IL12RB2: variants seen among roughly 807,000 people sequenced by gnomAD.
IL12RB2 encodes the protein interleukin 12 receptor subunit beta 2, also known as interleukin-12 receptor subunit beta-2.
IL12RB2 carries 82 observed loss-of-function variants against 89.4 expected under a neutral mutation model. The ratio of observed to expected loss-of-function variants is 0.92; its 90% CI spans 0.77 to 1.10. The LOEUF (loss-of-function observed/expected upper bound fraction) is 1.10, where lower values mean the gene tolerates loss of function less well. Among genes scored for constraint, IL12RB2 ranks in the 50% least tolerant of loss-of-function variants. The pLI is 0.00. For missense variants in IL12RB2, 963 were observed against 1,031.9 expected (o/e 0.93, Z 0.92); for synonymous variants, 368 against 370.1 (o/e 0.99, Z 0.07).
intron 9 of IL12RB2, among the ~76,000 whole-genome samples, chr1:67,339,616 C>G (rs998218846): frequency 6.6e-6 from 1 of 151,980 alleles, no homozygotes; most frequent in Admixed American, 6.6e-5. Context: ...TCATAGAATG[C>G]GAAAGTTTCA....
chr1:67,329,754 A>T (rs1171662496), intron 7 of IL12RB2, 25 bp downstream of exon 7: 2 of 1,530,470 alleles, frequency 1.3e-6, no homozygotes, highest in Admixed American at 3.3e-5. Context: ...AGTGAAGGAA[A>T]AAACACTGAA....
chr1:67,326,202 C>T (rs1347802538), intron 4 of IL12RB2, among the ~76,000 whole-genome samples: 1 of 152,150 alleles, frequency 6.6e-6, no homozygotes, highest in African/African-American at 2.4e-5. Flanking sequence ...AAATAAGTCT[C>T]TCATTTTTAA....
chr1:67,335,898 T>C (rs1286910841), intron 8 of IL12RB2, among the ~76,000 whole-genome samples: 1 of 152,252 alleles, frequency 6.6e-6, no homozygotes, highest in Non-Finnish European at 1.5e-5. Flanking sequence ...TTCAGTTTAC[T>C]TGCAATTTAC....
chr1:67,326,943 T>TTTAA (rs1553310358), intron 5 of IL12RB2, 94 bp downstream of exon 5: 3 of 696,736 alleles, frequency 4.3e-6, no homozygotes, highest in South Asian at 6.1e-5. Context: ...TTTTATTTTA[T>TTTAA]TTTATTTATT....
chr1:67,344,834 C>G (rs1367543540), intron 9 of IL12RB2, among the ~76,000 whole-genome samples: 3 of 152,118 alleles, frequency 2.0e-5, no homozygotes, highest in African/African-American at 7.2e-5. Context: ...GCTAGGGGCT[C>G]CCTCCCATAT....
chr1:67,308,319 C>A (rs576380137), intron 1 of IL12RB2, among the ~76,000 whole-genome samples: 1 of 152,020 alleles, frequency 6.6e-6, no homozygotes, highest in East Asian at 1.9e-4. Context: ...GGGACGGCGA[C>A]TGGAAAAGGG....
At position 67,372,541 on chromosome 1, in the gene IL12RB2, C is replaced by T. The variant is rs1323412007; in HGVS notation, c.1558+7C>T. 1.9e-6 allele frequency: 3 copies of T among 1,602,046 alleles called. No individual in the cohort carries two copies. Among genetic ancestry groups the T allele is most frequent in the Non-Finnish European group, 2.6e-6 (3 of 1,169,142 alleles). ...GGTAACTCTAAGCACAAAGGTGAGT[C>T]TTGGGATCTTTTGCCAAATTTTGCT... On this transcript the variant is annotated splice_region_variant and intron_variant, in intron 12 of 16. Coordinates refer to ENST00000674203, the MANE Select transcript of IL12RB2 (RefSeq NM_001374259.2).
At chr1:67,326,584 A>G (rs1657315790) in intron 4 of IL12RB2, 151 bp from the exon 5 acceptor site, 20 of 1,301,936 alleles carry the variant, frequency 1.5e-5, no homozygotes, top group Non-Finnish European at 2.1e-5. Flanking sequence ...CTTAATGGCA[A>G]ACTGGGACTT....
intron 7 of IL12RB2, among the ~76,000 whole-genome samples, 157 bp from the exon 8 acceptor site, chr1:67,330,503 G>A (rs764339854): frequency 1.9e-4 from 28 of 150,886 alleles, no homozygotes; most frequent in Admixed American, 4.0e-4. Context: ...ATATCTATTC[G>A]GTAAGACAGT....
intron 4 of IL12RB2, among the ~76,000 whole-genome samples, chr1:67,323,455 C>T (rs780352826): frequency 5.3e-5 from 8 of 152,180 alleles, no homozygotes; most frequent in Non-Finnish European, 8.8e-5. Context: ...TAACATCTAC[C>T]TCATGAAATG....
intron 14 of IL12RB2, among the ~76,000 whole-genome samples, chr1:67,382,978 T>C (rs1664762983): frequency 6.6e-6 from 1 of 152,212 alleles, no homozygotes; most frequent in Non-Finnish European, 1.5e-5. Context: ...ACATTGCATA[T>C]ACCCCTGTTT....
chr1:67,390,081 C>A lies in IL12RB2; in HGVS notation c.1999C>A (p.Pro667Thr). 1.4e-6 allele frequency: 2 copies of A among 1,400,090 alleles called. No individual in the cohort carries two copies. The highest frequency in any genetic ancestry group is 1.4e-5 in the African/African-American group (1 of 70,900). 86.7% of individuals were successfully genotyped at this position (1,400,090 alleles called of 1,614,324 possible). A position where few individuals can be genotyped will look rare whatever the true frequency, so the allele number is the denominator to read the frequency against. ...LRPQWCSREI[P>T]DPANSTCAKK... Reference sequence around the variant, plus strand: ...ACCTCAGTGGTGTAGCAGAGAAATTCCAGATCCAGCAAATAGCACTTGCGC... The same window carrying A: ...ACCTCAGTGGTGTAGCAGAGAAATTACAGATCCAGCAAATAGCACTTGCGC... The change falls in exon 16 of 17, where the codon CCA becomes ACA. Residue 667 changes from proline (P) to threonine (T), a missense_variant. Coordinates refer to ENST00000674203, the MANE Select transcript of IL12RB2 (RefSeq NM_001374259.2).
At chr1:67,366,661 T>C (rs1425054813) in intron 10 of IL12RB2, among the ~76,000 whole-genome samples, 1 of 152,184 alleles carries the variant, frequency 6.6e-6, no homozygotes, top group Non-Finnish European at 1.5e-5. Context: ...TGTAAAATAA[T>C]ATGTGAATTT....
chr1:67,374,777 CT>C (rs35122967), intron 13 of IL12RB2, among the ~76,000 whole-genome samples: 14,012 of 53,564 alleles, frequency 0.26, 1,773 homozygotes, highest in Non-Finnish European at 0.29. Context: ...AGCCCAGCCT[CT>C]TTTTTTTTTT....
At chr1:67,333,812 A>G (rs1361985484) in intron 8 of IL12RB2, among the ~76,000 whole-genome samples, 4 of 152,216 alleles carry the variant, frequency 2.6e-5, no homozygotes, top group Non-Finnish European at 5.9e-5. Flanking sequence ...ATGCACAGGT[A>G]TTGAGGGAAG....
At chr1:67,366,450 C>T (rs1662680661) in intron 10 of IL12RB2, among the ~76,000 whole-genome samples, 1 of 71,522 alleles carries the variant, frequency 1.4e-5, no homozygotes, top group South Asian at 5.8e-4. Context: ...AAGACTCCAT[C>T]TCAAAAAAAA....
chr1:67,384,848 C>T (rs1664972229), intron 14 of IL12RB2, among the ~76,000 whole-genome samples: 1 of 152,194 alleles, frequency 6.6e-6, no homozygotes, highest in African/African-American at 2.4e-5. Context: ...CTGAGACCAC[C>T]TCATTCTCAA....
At position 67,379,509 on chromosome 1, in the gene IL12RB2, C is replaced by CAAAAAAAA. The variant is rs58494224; in HGVS notation, c.1718-462_1718-455dup. ...TGGGCGACAGAGCAAGAACCTGTCT[C>CAAAAAAAA]AAAAAAAAAAAAAAAAAAAAAAGTT... On this transcript the variant is annotated intron_variant, in intron 13 of 16. Transcript: ENST00000674203. 4.6e-3 allele frequency among the ~76,000 whole-genome samples: 312 copies of CAAAAAAAA among 68,128 alleles called. 18 individuals are homozygous for CAAAAAAAA. The highest frequency in any genetic ancestry group is 0.012 in the Middle Eastern group (1 of 86). The allele number at this position is 68,128 out of a possible 152,430, so 44.7% of individuals were successfully genotyped here.
intron 9 of IL12RB2, 70 bp from the exon 10 acceptor site, chr1:67,350,800 T>G: frequency 2.5e-6 from 4 of 1,591,506 alleles, no homozygotes; most frequent in Non-Finnish European, 3.4e-6. Context: ...TCTGTACCCA[T>G]GAGGTCCAGG....
Sources: gnomAD v4.1 joint callset for allele counts (sites outside exome capture counted in the v4.1 genomes callset) on GRCh38, gnomAD v4.1.1 for gene constraint, MANE v1.5 for transcripts, NCBI Gene and HGNC (gene_info 2026-07-23, HGNC 2026-07-21) for gene names.